ZSWIM7: variants seen among roughly 807,000 people sequenced by gnomAD.
ZSWIM7 encodes the protein zinc finger SWIM domain-containing protein 7.
In ZSWIM7, 22 loss-of-function variants were observed where a neutral mutation model predicts 21.1. The ratio of observed to expected loss-of-function variants is 1.04; its 90% confidence interval spans 0.74 to 1.49. ZSWIM7 has a LOEUF of 1.49. Ranked by LOEUF, ZSWIM7 falls within the 40% of genes most tolerant of loss-of-function variation. The probability of loss-of-function intolerance (pLI) is 0.00; values close to 1 mark genes in which losing one functional copy is unlikely to be tolerated. For synonymous variants in ZSWIM7, 67 were observed against 66.5 expected (o/e 1.01, Z -0.04); for missense variants, 193 against 168.0 (o/e 1.15, Z -0.82).
chr17:15,991,370 C>T (rs907041086), intron 2 of ZSWIM7, among the ~76,000 whole-genome samples: 2 of 152,046 alleles, frequency 1.3e-5, no homozygotes, highest in Admixed American at 1.3e-4. Context: ...ATAATTACTT[C>T]CTGGGTATAT....
intron 3 of ZSWIM7, among the ~76,000 whole-genome samples, chr17:15,984,562 A>G (rs990009446): frequency 5.3e-5 from 8 of 152,186 alleles, no homozygotes; most frequent in African/African-American, 1.2e-4. Flanking sequence ...ACCCATCTAC[A>G]TGGTCATCCA....
At chr17:15,999,459 C>G in intron 1 of ZSWIM7, 60 bp downstream of exon 1, 1 of 1,574,566 alleles carries the variant, frequency 6.4e-7, no homozygotes, top group East Asian at 2.3e-5. Context: ...CCCGGCCCGG[C>G]GGTGCCCGGA....
chr17:15,977,314 A>G lies in ZSWIM7; in HGVS notation c.*733T>C, dbSNP rs1397319468. ...GCTCAATAGTTTCCTGGACCCAAGG[A>G]AAAGAACTGACCTACTCGTCGAAAC... On this transcript the variant is annotated 3_prime_UTR_variant, in exon 5 of 5. Transcript: ENST00000399277. The G allele has an allele frequency of 2.0e-5, 3 of 152,320 alleles. No homozygotes were observed. Among genetic ancestry groups the G allele is most frequent in the Non-Finnish European group, 4.4e-5 (3 of 68,038 alleles). The allele number at this position is 152,320 out of a possible 1,614,324, so 9.4% of individuals were successfully genotyped here.
At chr17:15,978,256 G>C (rs1970303714) in intron 4 of ZSWIM7, 93 bp from the exon 5 acceptor site, 1 of 866,268 alleles carries the variant, frequency 1.2e-6, no homozygotes, top group Non-Finnish European at 1.9e-6. Context: ...TATTTGGCAG[G>C]AGAAGACTAG....
rs774138075 is a variant in ZSWIM7, at chr17:15,999,481, C to G, written c.76+38G>C. ...CGGCGGTGCCCGGATGCCCCGCCCG[C>G]GCCCATGGCGCAGCCACACACGACC... On this transcript the variant is annotated intron_variant, in intron 1 of 4. Transcript: ENST00000399277. 8.8e-6 allele frequency: 14 copies of G among 1,591,454 alleles called. No homozygotes were observed. In the South Asian group the frequency reaches 1.2e-4, roughly 14 times the overall value.
At chr17:15,988,912 C>A (rs954477513) in intron 2 of ZSWIM7, among the ~76,000 whole-genome samples, 4 of 151,924 alleles carry the variant, frequency 2.6e-5, no homozygotes, top group African/African-American at 4.8e-5. Flanking sequence ...CCCAGCTACT[C>A]AGGAGGCTGA....
At chr17:15,987,232 T>G in intron 3 of ZSWIM7, 34 bp downstream of exon 3, 1 of 1,541,572 alleles carries the variant, frequency 6.5e-7, no homozygotes, top group Non-Finnish European at 8.8e-7. Context: ...CTAAGGGGTT[T>G]CTGTAGGGAT....
At position 15,999,691 on chromosome 17, in the gene ZSWIM7, G is replaced by C. The variant is rs1189707635; in HGVS notation, c.-97C>G. On this transcript the variant is annotated 5_prime_UTR_variant, in exon 1 of 5. Transcript: ENST00000399277. ...AGGATCCTGACCCCCCGCCGGGGCAGGGCGAGACGGAGTGACGTCGGGGCG... is the reference window on the plus strand; with the variant it reads ...AGGATCCTGACCCCCCGCCGGGGCACGGCGAGACGGAGTGACGTCGGGGCG... 1.3e-6 allele frequency: 2 copies of C among 1,556,628 alleles called. No individual in the cohort carries two copies. Among genetic ancestry groups the C allele is most frequent in the Non-Finnish European group, 1.7e-6 (2 of 1,150,686 alleles).
At chr17:15,986,052 T>C (rs1182216388) in intron 3 of ZSWIM7, among the ~76,000 whole-genome samples, 1 of 124,954 alleles carries the variant, frequency 8.0e-6, no homozygotes, top group African/African-American at 3.6e-5. Flanking sequence ...TTTTGTTTGT[T>C]TGTTTGTTTT....
intron 4 of ZSWIM7, 66 bp downstream of exon 4, chr17:15,980,974 A>AGG (rs1970348026): frequency 6.6e-6 from 8 of 1,217,684 alleles, no homozygotes; most frequent in East Asian, 5.0e-5. Flanking sequence ...GAATAGTTAA[A>AGG]CCACAAAGTA....
At chr17:15,998,126 T>A (rs530198228) in intron 1 of ZSWIM7, among the ~76,000 whole-genome samples, 1 of 151,712 alleles carries the variant, frequency 6.6e-6, no homozygotes, top group African/African-American at 2.4e-5. Context: ...CAACCCAAAC[T>A]ACTGTCAGTG....
chr17:15,978,424 C>T (rs1054875514), intron 4 of ZSWIM7, among the ~76,000 whole-genome samples: 1 of 152,070 alleles, frequency 6.6e-6, no homozygotes, highest in Non-Finnish European at 1.5e-5. Flanking sequence ...ATGGCAAAAC[C>T]CTGTCTCCAC....
intron 3 of ZSWIM7, among the ~76,000 whole-genome samples, chr17:15,982,209 G>C (rs1305834731): frequency 6.6e-6 from 1 of 152,122 alleles, no homozygotes; most frequent in Non-Finnish European, 1.5e-5. Flanking sequence ...TCTGTAGTAT[G>C]ATCGCACAAA....
chr17:15,981,558 T>G (rs1404254608), intron 3 of ZSWIM7, among the ~76,000 whole-genome samples: 49 of 152,110 alleles, frequency 3.2e-4, no homozygotes, highest in Admixed American at 3.2e-3. Flanking sequence ...TAAAGCTTCC[T>G]ACATACCTAA....
intron 3 of ZSWIM7, among the ~76,000 whole-genome samples, chr17:15,983,377 C>A (rs1271539193): frequency 2.1e-5 from 3 of 145,178 alleles, no homozygotes; most frequent in Non-Finnish European, 4.5e-5. Flanking sequence ...AAGATTTCCA[C>A]CCAGTTACAA....
intron 2 of ZSWIM7, among the ~76,000 whole-genome samples, chr17:15,991,598 G>C (rs62073580): frequency 2.2e-4 from 34 of 152,062 alleles, no homozygotes; most frequent in Non-Finnish European, 3.7e-4. Context: ...CCTCCCAAAG[G>C]ATTCGGCTAT....
chr17:15,996,858 A>G (rs1401942503), intron 1 of ZSWIM7, among the ~76,000 whole-genome samples: 1 of 151,708 alleles, frequency 6.6e-6, no homozygotes, highest in Non-Finnish European at 1.5e-5. Context: ...CTCGAAAAAA[A>G]AAAAAAAAAT....
intron 1 of ZSWIM7, 52 bp downstream of exon 1, chr17:15,999,467 G>A (rs749487845): frequency 1.8e-5 from 29 of 1,583,242 alleles, no homozygotes; most frequent in Non-Finnish European, 2.3e-5. Flanking sequence ...GGCGGTGCCC[G>A]GATGCCCCGC....
At chr17:15,985,773 G>C (rs990554345) in intron 3 of ZSWIM7, among the ~76,000 whole-genome samples, 1 of 152,162 alleles carries the variant, frequency 6.6e-6, no homozygotes, top group African/African-American at 2.4e-5. Flanking sequence ...CTACTTGCCA[G>C]GTCAAGTATT....
Sources: allele counts gnomAD v4.1 joint callset (sites outside exome capture counted in the v4.1 genomes callset), GRCh38; gene constraint gnomAD v4.1.1; transcripts MANE v1.5; gene names NCBI Gene and HGNC (gene_info 2026-07-23, HGNC 2026-07-21).